Variants in ERN1 observed in about 807,000 individuals in gnomAD.
The protein encoded by ERN1 is endoplasmic reticulum to nucleus signaling 1, also known as serine/threonine-protein kinase/endoribonuclease IRE1.
In ERN1, 39 loss-of-function variants were observed where a neutral mutation model predicts 113.1. The observed-to-expected ratio is 0.34, with a 90% CI of 0.27 to 0.45. The LOEUF is 0.45. Ranked by LOEUF, ERN1 falls within the 20% of genes least tolerant of loss-of-function variation. ERN1 has a pLI of 1.00. For missense variants in ERN1, 976 were observed against 1,274.8 expected (o/e 0.77, Z 3.57); for synonymous variants, 507 against 515.9 (o/e 0.98, Z 0.23).
intron 2 of ERN1, among the ~76,000 whole-genome samples, chr17:64,088,090 T>A (rs1913985407): frequency 1.3e-5 from 2 of 152,176 alleles, no homozygotes; most frequent in Non-Finnish European, 2.9e-5. Context: ...AGAAGTAAGA[T>A]CCCTTTGATT....
chr17:64,092,305 GCCGTGAT>G (rs1338439791), intron 2 of ERN1, among the ~76,000 whole-genome samples: 1 of 152,022 alleles, frequency 6.6e-6, no homozygotes, highest in Non-Finnish European at 1.5e-5. Flanking sequence ...ATACTGCTTG[GCCGTGAT>G]TCTGTCAGCA....
chr17:64,090,244 A>T (rs190509101), intron 2 of ERN1, among the ~76,000 whole-genome samples: 6 of 152,322 alleles, frequency 3.9e-5, no homozygotes, highest in African/African-American at 1.4e-4. Flanking sequence ...AAAGGATGTA[A>T]TAAGTTTTCT....
At chr17:64,107,884 G>A (rs915489411) in intron 1 of ERN1, among the ~76,000 whole-genome samples, 1 of 152,202 alleles carries the variant, frequency 6.6e-6, no homozygotes, top group East Asian at 1.9e-4. Flanking sequence ...GTTATACTTC[G>A]TTTACCTGTG....
chr17:64,061,549 T>G (rs1913054511), intron 10 of ERN1, among the ~76,000 whole-genome samples: 1 of 152,242 alleles, frequency 6.6e-6, no homozygotes, highest in African/African-American at 2.4e-5. Context: ...CTCTTTGAGT[T>G]CCCATCTTTA....
intron 1 of ERN1, among the ~76,000 whole-genome samples, chr17:64,123,724 A>G (rs1915009164): frequency 6.6e-6 from 1 of 152,182 alleles, no homozygotes; most frequent in Non-Finnish European, 1.5e-5. Flanking sequence ...TAGCAACAAG[A>G]AAGTTCATTA....
rs113284589 is a variant in ERN1 at position 64,110,546 on chromosome 17, T to C, written c.55-12305A>G. ...TTTGATGAAGCCAACATTCTTTTAA[T>C]GTCAGTGCCAAGGAAACGCGCATTA... is the stretch of plus-strand genomic sequence containing the variant. On this transcript the variant is annotated intron_variant, in intron 1 of 21. Transcript: ENST00000433197. Among the ~76,000 whole-genome samples, 505 of 152,330 alleles carry C rather than the reference T, an allele frequency of 3.3e-3. 2 individuals carry two copies. The highest frequency in any genetic ancestry group is 0.012 in the African/African-American group (484 of 41,574).
At chr17:64,127,252 T>C (rs140130539) in intron 1 of ERN1, among the ~76,000 whole-genome samples, 1 of 152,190 alleles carries the variant, frequency 6.6e-6, no homozygotes, top group Admixed American at 6.5e-5. Flanking sequence ...TCCAATGCAA[T>C]AGTTACTACA....
chr17:64,108,450 T>C (rs987130192), intron 1 of ERN1, among the ~76,000 whole-genome samples: 2 of 152,176 alleles, frequency 1.3e-5, no homozygotes, highest in African/African-American at 4.8e-5. Flanking sequence ...TTCCCTGACG[T>C]GGTTAGGAAA....
intron 1 of ERN1, among the ~76,000 whole-genome samples, chr17:64,114,124 G>A (rs1914744750): frequency 6.8e-6 from 1 of 146,322 alleles, no homozygotes; most frequent in South Asian, 2.1e-4. Flanking sequence ...CATAAGTAAA[G>A]CTCTTGAACG....
chr17:64,091,452 A>T (rs1195087449), intron 2 of ERN1, among the ~76,000 whole-genome samples: 1 of 152,248 alleles, frequency 6.6e-6, no homozygotes, highest in African/African-American at 2.4e-5. Context: ...CTGGCTGCCC[A>T]GAGCCCCAGT....
chr17:64,074,761 C>T (rs140084766), intron 5 of ERN1, among the ~76,000 whole-genome samples: 8 of 152,334 alleles, frequency 5.3e-5, no homozygotes, highest in Non-Finnish European at 7.3e-5. Context: ...TCTAGGCAAG[C>T]TATTAAGTGC....
intron 1 of ERN1, among the ~76,000 whole-genome samples, chr17:64,103,445 C>T (rs748490680): frequency 2.0e-5 from 3 of 148,022 alleles, no homozygotes; most frequent in Non-Finnish European, 4.5e-5. Flanking sequence ...TGCAGTGAGC[C>T]GAGATCACGC....
intron 12 of ERN1, 135 bp downstream of exon 12, chr17:64,057,667 C>A: frequency 1.1e-6 from 1 of 893,252 alleles, no homozygotes; most frequent in Non-Finnish European, 1.8e-6. Flanking sequence ...TGTGCCCGCC[C>A]GGCCAACAAA....
At chr17:64,117,294 T>C (rs1185416554) in intron 1 of ERN1, among the ~76,000 whole-genome samples, 5 of 148,866 alleles carry the variant, frequency 3.4e-5, no homozygotes, top group Non-Finnish European at 1.5e-5. Flanking sequence ...AATACAAAAA[T>C]TAGCTGGGCG....
rs780011632 is a variant in ERN1 at position 64,049,564 on chromosome 17, C to A, written c.2254-362G>T. ...CCTCCTGGCTGTTATATATTCCTTA[C>A]CCCCAACACGAAAGTGCTCACAGAC... is the stretch of plus-strand genomic sequence containing the variant. On this transcript the variant is annotated intron_variant, in intron 17 of 21. Transcript: ENST00000433197. This position sits in a 1 kb window ranked among gnomAD's most constrained non-coding sequence, Gnocchi z 4.7. 1.3e-5 allele frequency among the ~76,000 whole-genome samples: 2 copies of A among 152,186 alleles called. No homozygotes were observed. The highest frequency in any genetic ancestry group is 2.9e-5 in the Non-Finnish European group (2 of 68,038).
intron 2 of ERN1, among the ~76,000 whole-genome samples, chr17:64,084,610 C>T (rs1364191483): frequency 1.3e-5 from 2 of 152,282 alleles, no homozygotes; most frequent in East Asian, 1.9e-4. Context: ...TAAGTCAATG[C>T]CTTGACACTG....
intron 1 of ERN1, among the ~76,000 whole-genome samples, chr17:64,119,394 T>G (rs1914896610): frequency 1.4e-5 from 2 of 140,778 alleles, no homozygotes; most frequent in African/African-American, 5.4e-5. Flanking sequence ...TTTTTTTTTT[T>G]TTTTTTTTTT....
rs1177060922 is a variant in ERN1 at position 64,052,893 on chromosome 17, G to A, written c.2140C>T (p.Leu714Phe). Residue 714 changes from leucine (L) to phenylalanine (F), a missense_variant, in exon 17 of 22, where the codon CTC (leucine) becomes TTC (phenylalanine). Leu to Phe is a conservative substitution (Grantham distance 22). Coordinates refer to ENST00000433197, the MANE Select transcript of ERN1 (RefSeq NM_001433.5). ...KIKAMISDFGLCKKLAVGRHS... is the reference protein window; with the variant it reads ...KIKAMISDFGFCKKLAVGRHS... ...CTGCCCACTGCCAGCTTCTTGCAGAGGCCAAAGTCGGAGATCATGGCCTTG... is the reference window on the plus strand; with the variant it reads ...CTGCCCACTGCCAGCTTCTTGCAGAAGCCAAAGTCGGAGATCATGGCCTTG... The A allele has an allele frequency of 6.2e-7, 1 of 1,613,918 alleles. No individual in the cohort carries two copies. Among genetic ancestry groups the A allele is most frequent in the Non-Finnish European group, 8.5e-7 (1 of 1,179,872 alleles).
chr17:64,129,412 G>A (rs1915170829), intron 1 of ERN1: 1 of 163,302 alleles, frequency 6.1e-6, no homozygotes, highest in African/African-American at 2.4e-5. Flanking sequence ...AAACCGGCAG[G>A]GCAAGTGGCA....
Sources: gnomAD v4.1 joint callset for allele counts (sites outside exome capture counted in the v4.1 genomes callset) on GRCh38, gnomAD v4.1.1 for gene constraint, Gnocchi (gnomAD v3.1) non-coding constraint, MANE v1.5 for transcripts, NCBI Gene and HGNC (gene_info 2026-07-23, HGNC 2026-07-21) for gene names.